Variants in TXNDC8 observed in about 807,000 individuals in gnomAD.
TXNDC8 encodes the protein thioredoxin domain-containing protein 8.
TXNDC8 carries 15 observed loss-of-function variants against 12.9 expected under a neutral mutation model. The observed-to-expected ratio is 1.16, with a 90% confidence interval of 0.78 to 1.79. The LOEUF is 1.79. TXNDC8 is among the 40% of genes most tolerant of loss of function. The pLI is 0.00. For synonymous variants in TXNDC8, 40 were observed against 35.4 expected (o/e 1.13, Z -0.46); for missense variants, 128 against 113.2 (o/e 1.13, Z -0.59).
downstream of TXNDC8, among the ~76,000 whole-genome samples, chr9:110,301,634 C>T (rs56337103): frequency 0.012 from 1,815 of 152,100 alleles, 38 homozygotes; most frequent in African/African-American, 0.041. Context: ...GGAGATAATA[C>T]ATGCTTAGGA....
chr9:110,306,359 A>G (rs1044339207), intron 3 of TXNDC8, among the ~76,000 whole-genome samples: 2 of 152,226 alleles, frequency 1.3e-5, no homozygotes, highest in Admixed American at 1.3e-4. Context: ...CAATGGCTAT[A>G]TAACTTGTCT....
intron 2 of TXNDC8, among the ~76,000 whole-genome samples, 153 bp from the exon 4 acceptor site, chr9:110,326,393 C>T (rs1221601567): frequency 6.6e-6 from 1 of 152,146 alleles, no homozygotes; most frequent in African/African-American, 2.4e-5. Flanking sequence ...TTCTAACATT[C>T]CTTCAGGAAT....
At chr9:110,310,577 C>A (rs1468622525) in intron 3 of TXNDC8, among the ~76,000 whole-genome samples, 2 of 152,012 alleles carry the variant, frequency 1.3e-5, no homozygotes, top group Non-Finnish European at 2.9e-5. Flanking sequence ...TAAAAGAGCT[C>A]TAATTAATTG....
At chr9:110,313,259 T>G (rs1238744340) in intron 3 of TXNDC8, among the ~76,000 whole-genome samples, 1 of 152,168 alleles carries the variant, frequency 6.6e-6, no homozygotes, top group East Asian at 1.9e-4. Flanking sequence ...TCCCCCAATT[T>G]TTCCTAATTT....
rs368477526 is a variant in TXNDC8 at position 110,303,687 on chromosome 9, C to T, written c.283G>A (p.Glu95Lys). The T allele has an allele frequency of 6.3e-7, 1 of 1,599,060 alleles. No individual in the cohort carries two copies. The highest frequency in any genetic ancestry group is 8.5e-7 in the Non-Finnish European group (1 of 1,170,914). ...CCTGATTGAAAAGTTAAATCCTACT[C>T]ATTTCCATCATCTGCAAGACACTTT... Residue 95 changes from glutamate (E) to lysine (K), a missense_variant, in exon 5 of 5, where the codon GAG becomes AAG. By Grantham distance (56) the Glu-to-Lys change is moderately conservative. Transcript: ENST00000423740.
chr9:110,304,824 A>G (rs12004712), intron 3 of TXNDC8, among the ~76,000 whole-genome samples: 7,598 of 152,162 alleles, frequency 0.05, 612 homozygotes, highest in African/African-American at 0.17. Context: ...CAGGAAACAT[A>G]ATAAATTCAT....
chr9:110,333,016 A>G (rs1006180335), intron 2 of TXNDC8, among the ~76,000 whole-genome samples: 4 of 152,232 alleles, frequency 2.6e-5, no homozygotes, highest in African/African-American at 4.8e-5. Context: ...ATTTTTATGA[A>G]GTATGTAAAA....
At chr9:110,309,577 C>T (rs2118721877) in intron 3 of TXNDC8, among the ~76,000 whole-genome samples, 1 of 152,336 alleles carries the variant, frequency 6.6e-6, no homozygotes, top group Admixed American at 6.5e-5. Context: ...TTCAGGTGAT[C>T]TGCGCATCTT....
intron 2 of TXNDC8, among the ~76,000 whole-genome samples, chr9:110,330,591 A>C (rs1316473160): frequency 6.6e-6 from 1 of 152,200 alleles, no homozygotes; most frequent in Admixed American, 6.5e-5. Context: ...TTTTCCAGAA[A>C]TGTTCTTTTC....
intron 4 of TXNDC8, among the ~76,000 whole-genome samples, chr9:110,303,945 T>C (rs7031031): frequency 0.4 from 60,600 of 152,022 alleles, 13,161 homozygotes; most frequent in East Asian, 0.7. Context: ...TACACAATCT[T>C]CTGAAATCAA....
intron 3 of TXNDC8, among the ~76,000 whole-genome samples, chr9:110,312,164 T>C (rs1036490985): frequency 6.4e-4 from 97 of 152,352 alleles, no homozygotes; most frequent in African/African-American, 2.2e-3. Flanking sequence ...TGACAGCTTT[T>C]AATAATTTAG....
intron 3 of TXNDC8, among the ~76,000 whole-genome samples, chr9:110,318,628 C>T (rs1838975048): frequency 6.6e-6 from 1 of 151,986 alleles, no homozygotes; most frequent in South Asian, 2.1e-4. Context: ...GTCCCAGCTA[C>T]TTGGGAGGCT....
chr9:110,322,687 G>A (rs745451597), intron 3 of TXNDC8: 47 of 985,366 alleles, frequency 4.8e-5, no homozygotes, highest in Admixed American at 6.1e-5. Flanking sequence ...ATCAGCAGCA[G>A]CAGGAATAAA....
intron 3 of TXNDC8, among the ~76,000 whole-genome samples, chr9:110,312,976 G>T (rs1289058136): frequency 6.6e-6 from 1 of 152,186 alleles, no homozygotes; most frequent in African/African-American, 2.4e-5. Context: ...TGCAATCTCA[G>T]TTCACTGCAA....
At chr9:110,317,649 G>A (rs748210159) in intron 3 of TXNDC8, among the ~76,000 whole-genome samples, 2 of 152,242 alleles carry the variant, frequency 1.3e-5, no homozygotes, top group Non-Finnish European at 2.9e-5. Flanking sequence ...TCTCCCACAG[G>A]TGGGTCACCC....
At chr9:110,323,549 A>G (rs1237068192) in intron 3 of TXNDC8, 1 of 192,734 alleles carries the variant, frequency 5.2e-6, no homozygotes, top group Non-Finnish European at 1.0e-5. Context: ...AACTGCAAAT[A>G]TATTCTACTC....
chr9:110,333,223 G>A (rs1276674373), intron 2 of TXNDC8, among the ~76,000 whole-genome samples: 2 of 152,196 alleles, frequency 1.3e-5, no homozygotes, highest in Admixed American at 6.5e-5. Context: ...GGAGGTGAGC[G>A]GTGGGTGAGC....
chr9:110,309,770 G>A (rs1403714999), intron 3 of TXNDC8, among the ~76,000 whole-genome samples: 1 of 152,218 alleles, frequency 6.6e-6, no homozygotes, highest in Non-Finnish European at 1.5e-5. Context: ...AAACAACTCA[G>A]TGGTGTGGAG....
chr9:110,326,310 G>A (rs1839316342), intron 2 of TXNDC8, 70 bp from the exon 4 acceptor site: 1 of 1,553,666 alleles, frequency 6.4e-7, no homozygotes, highest in Non-Finnish European at 8.9e-7. Context: ...CATGTTATTT[G>A]GTAACTTTTT....
Sources: gnomAD v4.1 joint callset for allele counts (sites outside exome capture counted in the v4.1 genomes callset) on GRCh38, gnomAD v4.1.1 for gene constraint, MANE v1.5 for transcripts, NCBI Gene and HGNC (gene_info 2026-07-23, HGNC 2026-07-21) for gene names.